Variants in IPO5 observed in about 807,000 individuals in gnomAD.
IPO5 encodes the protein importin-5.
A neutral mutation model predicts 143.3 loss-of-function variants in IPO5; 18 were observed. The observed-to-expected ratio is 0.13, with a 90% confidence interval of 0.09 to 0.19. The LOEUF is 0.19. Ranked by LOEUF, IPO5 falls within the 10% of genes least tolerant of loss-of-function variation. IPO5 has a pLI of 1.00. For missense variants in IPO5, 1,013 were observed against 1,336.9 expected (o/e 0.76, Z 3.78); for synonymous variants, 477 against 465.7 (o/e 1.02, Z -0.31).
At chr13:97,972,411 C>A (rs1016464944) in intron 3 of IPO5, among the ~76,000 whole-genome samples, 4 of 152,208 alleles carry the variant, frequency 2.6e-5, no homozygotes, top group African/African-American at 7.2e-5. Flanking sequence ...AGTTAAGGAG[C>A]CTGGTCTCCT....
intron 11 of IPO5, 33 bp downstream of exon 11, chr13:97,993,258 A>G (rs2097467776): frequency 5.0e-6 from 8 of 1,587,030 alleles, no homozygotes; most frequent in South Asian, 1.1e-5. Context: ...GTTTATGTGT[A>G]TTGTGGCCAA....
rs553030728 is a variant in IPO5 at position 97,985,531 on chromosome 13, C to G, written c.282C>G (p.Leu94=). 13 of 1,613,870 alleles carry G rather than the reference C, an allele frequency of 8.1e-6. No individual in the cohort carries two copies. Among genetic ancestry groups the G allele is most frequent in the Middle Eastern group, 1.6e-4 (1 of 6,062 alleles). ...AGACTGCCATCAAGAGTGAGCTACT[C>G]ATGATTATTCAGATGGAAACACAAT... is the stretch of plus-strand genomic sequence containing the variant. ...DVQTAIKSEL[L]MIIQMETQSS... is the part of the protein sequence containing the mutation. Residue 94 remains leucine (L), a synonymous_variant, in exon 6 of 29, where the codon CTC becomes CTG. Transcript: ENST00000651721.
At chr13:98,004,071 TTTA>T (rs1889015437) in intron 16 of IPO5, among the ~76,000 whole-genome samples, 1 of 152,190 alleles carries the variant, frequency 6.6e-6, no homozygotes, top group Non-Finnish European at 1.5e-5. Flanking sequence ...TTTAGCCCAG[TTTA>T]TTGTCAAATG....
At chr13:97,991,982 A>C (rs752843929) in intron 9 of IPO5, among the ~76,000 whole-genome samples, 4 of 152,218 alleles carry the variant, frequency 2.6e-5, no homozygotes, top group Non-Finnish European at 5.9e-5. Flanking sequence ...GGTGAAAACC[A>C]TTCCTCTTGA....
intron 11 of IPO5, among the ~76,000 whole-genome samples, chr13:97,996,412 C>G (rs1479440716): frequency 6.6e-6 from 1 of 152,112 alleles, no homozygotes; most frequent in Non-Finnish European, 1.5e-5. Flanking sequence ...TCAATAAAAA[C>G]AAGTGTAATT....
intron 2 of IPO5, among the ~76,000 whole-genome samples, chr13:97,955,619 G>T (rs1180235429): frequency 6.6e-6 from 1 of 152,144 alleles, no homozygotes; most frequent in Non-Finnish European, 1.5e-5. Flanking sequence ...TGACATAACC[G>T]ACTTGATGGT....
chr13:97,989,689 A>T (rs1234731734), intron 7 of IPO5, among the ~76,000 whole-genome samples: 1 of 152,242 alleles, frequency 6.6e-6, no homozygotes, highest in Admixed American at 6.5e-5. Context: ...GCTCAAGATC[A>T]TACACATTTT....
chr13:97,962,623 C>T (rs890706405), intron 2 of IPO5, among the ~76,000 whole-genome samples: 2 of 152,060 alleles, frequency 1.3e-5, no homozygotes, highest in African/African-American at 2.4e-5. Context: ...TCGAGACCAG[C>T]CTGGCCAACA....
chr13:98,012,827 T>TA (rs1889829210), intron 21 of IPO5, among the ~76,000 whole-genome samples: 1 of 110,294 alleles, frequency 9.1e-6, no homozygotes, highest in Non-Finnish European at 1.9e-5. Context: ...TTTTTTTTTT[T>TA]AAGAGATAAG....
chr13:98,018,735 C>CTT, intron 26 of IPO5, 31 bp downstream of exon 26: 1 of 1,495,286 alleles, frequency 6.7e-7, no homozygotes, highest in Non-Finnish European at 9.3e-7. Flanking sequence ...ACGTGCATTT[C>CTT]ATTCCAGACA....
rs758721104 is a variant in IPO5 at position 98,016,798 on chromosome 13, G to C, written c.2563G>C (p.Glu855Gln). ...ACACTCAATATTCAGTAGCTACAAA[G>C]AAAAGGTGTTACCATGGTTTGAACA... ...ILHSIFSSYK[E>Q]KVLPWFEQLL... is the part of the protein sequence containing the mutation. Residue 855 changes from glutamate to glutamine, a missense_variant, in exon 25 of 29, where the codon GAA becomes CAA. Coordinates refer to ENST00000651721, the MANE Select transcript of IPO5 (RefSeq NM_002271.6). 34 of 1,578,510 alleles carry C rather than the reference G, an allele frequency of 2.2e-5. No individual in the cohort carries two copies. Among genetic ancestry groups the C allele is most frequent in the Middle Eastern group, 1.7e-4 (1 of 5,988 alleles).
intron 9 of IPO5, among the ~76,000 whole-genome samples, chr13:97,992,375 G>A (rs1255570705): frequency 6.6e-6 from 1 of 152,212 alleles, no homozygotes; most frequent in East Asian, 1.9e-4. Context: ...ACAGGTTCTA[G>A]TACTTACTAT....
intron 2 of IPO5, among the ~76,000 whole-genome samples, chr13:97,955,582 T>G (rs1330970820): frequency 1.3e-5 from 2 of 152,302 alleles, no homozygotes; most frequent in East Asian, 3.9e-4. Context: ...AAGTGGCCTG[T>G]GTATCCACCA....
Position 98,022,847 on chromosome 13 carries a change from T to C in IPO5, c.*1025T>C, listed in dbSNP as rs542142877. On this transcript the variant is annotated 3_prime_UTR_variant, in exon 29 of 29. Transcript: ENST00000651721. ...TTTGAACTTTTAATTATAAGTGTTATGGCTAAAGTTATTTACTGAAAATTT... is the reference window on the plus strand; with the variant it reads ...TTTGAACTTTTAATTATAAGTGTTACGGCTAAAGTTATTTACTGAAAATTT... 6.5e-6 allele frequency: 1 copy of C among 152,778 alleles called. No homozygotes were observed. The highest frequency in any genetic ancestry group is 2.1e-4 in the South Asian group (1 of 4,828). 9.5% of individuals were successfully genotyped at this position (152,778 alleles called of 1,614,324 possible). A position where few individuals can be genotyped will look rare whatever the true frequency, so the allele number is the denominator to read the frequency against.
intron 5 of IPO5, among the ~76,000 whole-genome samples, chr13:97,983,308 T>G (rs1233555960): frequency 6.6e-6 from 1 of 152,238 alleles, no homozygotes; most frequent in Admixed American, 6.5e-5. Context: ...AAATTTATGC[T>G]TATAACCATC....
At chr13:97,988,741 T>A (rs1205227905) in intron 6 of IPO5, among the ~76,000 whole-genome samples, 1 of 152,132 alleles carries the variant, frequency 6.6e-6, no homozygotes. Context: ...TCAACCGAGA[T>A]CGCGCCATTG....
chr13:97,977,291 A>G (rs1285346556), intron 4 of IPO5, among the ~76,000 whole-genome samples: 1 of 152,066 alleles, frequency 6.6e-6, no homozygotes, highest in Non-Finnish European at 1.5e-5. Flanking sequence ...CTTTTTAAAT[A>G]TGTGCCCTGC....
At chr13:97,959,957 G>C (rs571522423) in intron 2 of IPO5, among the ~76,000 whole-genome samples, 2 of 152,248 alleles carry the variant, frequency 1.3e-5, no homozygotes, top group African/African-American at 4.8e-5. Context: ...TCCCACAGAG[G>C]GGTGCCTAAT....
intron 12 of IPO5, among the ~76,000 whole-genome samples, chr13:97,998,132 C>T (rs1370538772): frequency 1.3e-5 from 2 of 152,136 alleles, no homozygotes; most frequent in African/African-American, 2.4e-5. Flanking sequence ...CCTGCCACCA[C>T]GTCCAGCTAA....
Sources: gnomAD v4.1 joint callset for allele counts (sites outside exome capture counted in the v4.1 genomes callset) on GRCh38, gnomAD v4.1.1 for gene constraint, MANE v1.5 for transcripts, NCBI Gene and HGNC (gene_info 2026-07-23, HGNC 2026-07-21) for gene names.